ITPR1: variants seen among roughly 807,000 people sequenced by gnomAD.
ITPR1 encodes inositol 1,4,5-trisphosphate-gated calcium channel ITPR1.
A neutral mutation model predicts 318.4 loss-of-function variants in ITPR1; 96 were observed. The ratio of observed to expected loss-of-function variants is 0.30; its 90% CI spans 0.26 to 0.36. The LOEUF is 0.36. Among genes scored for constraint, ITPR1 ranks in the 10% least tolerant of loss-of-function variants. The probability of loss-of-function intolerance (pLI) is 1.00; values close to 1 mark genes in which losing one functional copy is unlikely to be tolerated. For missense variants in ITPR1, 2,440 were observed against 3,460.2 expected (o/e 0.71, Z 7.40); for synonymous variants, 1,312 against 1,289.9 (o/e 1.02, Z -0.37).
At chr3:4,655,526 C>A in intron 12 of ITPR1, among the ~76,000 whole-genome samples, 1 of 152,122 alleles carries the variant, frequency 6.6e-6, no homozygotes. Flanking sequence ...TCAGGTTCTC[C>A]CAGATCATTA....
chr3:4,605,036 A>G (rs1340369738), intron 4 of ITPR1, among the ~76,000 whole-genome samples: 2 of 152,016 alleles, frequency 1.3e-5, no homozygotes, highest in African/African-American at 2.4e-5. Context: ...CGGTGACACA[A>G]TCTTGGCTCA....
chr3:4,842,701 T>A (rs2106554345), intron 61 of ITPR1, among the ~76,000 whole-genome samples: 1 of 152,336 alleles, frequency 6.6e-6, no homozygotes, highest in South Asian at 2.1e-4. Context: ...CATCTCACAC[T>A]ACTCAAAATA....
chr3:4,834,054 G>A (rs1402188553), intron 60 of ITPR1, among the ~76,000 whole-genome samples: 1 of 152,090 alleles, frequency 6.6e-6, no homozygotes, highest in Non-Finnish European at 1.5e-5. Flanking sequence ...ACCACACCGA[G>A]CTAATTATTT....
chr3:4,645,517 G>T (rs1267506851), intron 9 of ITPR1, 47 bp downstream of exon 9: 1 of 1,606,336 alleles, frequency 6.2e-7, no homozygotes, highest in South Asian at 1.1e-5. Flanking sequence ...CTCTTCTTGG[G>T]GGCAGCAGTC....
chr3:4,834,462 G>C (rs1016034029), intron 60 of ITPR1, among the ~76,000 whole-genome samples: 1 of 152,018 alleles, frequency 6.6e-6, no homozygotes, highest in Non-Finnish European at 1.5e-5. Flanking sequence ...CCAGGGCCTC[G>C]TGCTAAGTGA....
intron 26 of ITPR1, among the ~76,000 whole-genome samples, chr3:4,681,624 A>AGAGTGTGT (rs1553690434): frequency 1.5e-4 from 22 of 145,788 alleles, no homozygotes; most frequent in African/African-American, 5.3e-4. Context: ...AGAGAGAGAA[A>AGAGTGTGT]GTGTGTGTGT....
chr3:4,568,561 G>A (rs2087631299), intron 4 of ITPR1, among the ~76,000 whole-genome samples: 2 of 152,286 alleles, frequency 1.3e-5, no homozygotes, highest in African/African-American at 4.8e-5. Flanking sequence ...TAAGAAGGCA[G>A]GGATGGCTTC....
At chr3:4,705,337 T>C (rs2094734802) in intron 36 of ITPR1, among the ~76,000 whole-genome samples, 1 of 152,226 alleles carries the variant, frequency 6.6e-6, no homozygotes, top group Non-Finnish European at 1.5e-5. Context: ...TGTCAGCATC[T>C]TACATTAGCA....
chr3:4,648,834 A>G (rs919850195), intron 10 of ITPR1, among the ~76,000 whole-genome samples: 1 of 152,216 alleles, frequency 6.6e-6, no homozygotes, highest in East Asian at 1.9e-4. Context: ...GTTTTGTTAC[A>G]ATACTGTACA....
rs72622155 is a variant in ITPR1 at position 4,618,067 on chromosome 3, G to A, written c.164-9696G>A. Among the ~76,000 whole-genome samples, 6 of 152,002 alleles carry A rather than the reference G, an allele frequency of 3.9e-5. No individual in the cohort carries two copies. In the South Asian group the frequency reaches 1.0e-3, roughly 26 times the overall value. ...ATATAGGGTGTTGAGGAGGTGGGGG[G>A]TAATTAACTGCTTAATAGGTACAGA... is the stretch of plus-strand genomic sequence containing the variant. On this transcript the variant is annotated intron_variant, in intron 4 of 61. Coordinates refer to ENST00000649015, the MANE Select transcript of ITPR1 (RefSeq NM_001378452.1).
At chr3:4,589,277 A>G (rs2090184902) in intron 4 of ITPR1, among the ~76,000 whole-genome samples, 3 of 152,232 alleles carry the variant, frequency 2.0e-5, no homozygotes, top group African/African-American at 7.2e-5. Flanking sequence ...TTTGCAGTAT[A>G]GTCTGATATT....
intron 31 of ITPR1, among the ~76,000 whole-genome samples, chr3:4,690,568 C>G (rs1381713610): frequency 6.6e-6 from 1 of 152,110 alleles, no homozygotes; most frequent in Non-Finnish European, 1.5e-5. Flanking sequence ...ACTTTGTGAC[C>G]CAACAATTCT....
In ITPR1 at chr3:4,574,201, CT is replaced by C. The variant is rs765722233; in HGVS notation, c.163+53120del. ...TGGGAAAGTATAGATGCCTTATCTT[CT>C]TTTTTTTTTTTTCAGCCTCTTATTG... On this transcript the variant is annotated intron_variant, in intron 4 of 61. Coordinates refer to ENST00000649015, the MANE Select transcript of ITPR1 (RefSeq NM_001378452.1). Among the ~76,000 whole-genome samples the C allele has an allele frequency of 2.0e-3, 270 of 138,256 alleles. 1 individual carries two copies. Among genetic ancestry groups the C allele is most frequent in the Middle Eastern group, 0.011 (3 of 278 alleles). The allele number at this position is 138,256 out of a possible 152,430, so 90.7% of individuals were successfully genotyped here.
At chr3:4,598,271 A>G (rs1301801471) in intron 4 of ITPR1, among the ~76,000 whole-genome samples, 2 of 152,216 alleles carry the variant, frequency 1.3e-5, no homozygotes, top group Non-Finnish European at 2.9e-5. Context: ...ACTTGAGTGT[A>G]GCAAGGAGGT....
At chr3:4,763,613 T>C (rs2045606831) in intron 44 of ITPR1, among the ~76,000 whole-genome samples, 1 of 152,236 alleles carries the variant, frequency 6.6e-6, no homozygotes, top group African/African-American at 2.4e-5. Flanking sequence ...TTATCCATTT[T>C]ATTATTTTAT....
At chr3:4,507,150 A>G (rs1052072783) in intron 2 of ITPR1, among the ~76,000 whole-genome samples, 4 of 151,038 alleles carry the variant, frequency 2.6e-5, no homozygotes, top group African/African-American at 9.7e-5. Context: ...TTCACAGAAC[A>G]TAGCCGGATT....
At chr3:4,510,849 C>T (rs1024495576) in intron 2 of ITPR1, among the ~76,000 whole-genome samples, 4 of 152,052 alleles carry the variant, frequency 2.6e-5, no homozygotes, top group Non-Finnish European at 5.9e-5. Context: ...TGGAGGGTGA[C>T]TTGGCTATAA....
chr3:4,550,981 GAGAAT>G (rs1193425934), intron 4 of ITPR1, among the ~76,000 whole-genome samples: 1 of 152,176 alleles, frequency 6.6e-6, no homozygotes, highest in African/African-American at 2.4e-5. Context: ...GAAGAGGACT[GAGAAT>G]AGAATAGTGC....
At chr3:4,674,979 T>C (rs2094155035) in intron 22 of ITPR1, 89 bp from the exon 23 acceptor site, 1 of 680,356 alleles carries the variant, frequency 1.5e-6, no homozygotes, top group Admixed American at 3.0e-5. Context: ...GGTCCAAGTC[T>C]GTCATTTCTA....
Sources: gnomAD v4.1 joint callset for allele counts (sites outside exome capture counted in the v4.1 genomes callset) on GRCh38, gnomAD v4.1.1 for gene constraint, MANE v1.5 for transcripts, NCBI Gene and HGNC (gene_info 2026-07-23, HGNC 2026-07-21) for gene names.